IVNS1ABP: variants seen among roughly 807,000 people sequenced by gnomAD.
IVNS1ABP encodes the protein influenza virus NS1A-binding protein.
IVNS1ABP carries 25 observed loss-of-function variants against 78.9 expected under a neutral mutation model. The observed-to-expected ratio is 0.32, with a 90% CI of 0.23 to 0.44. IVNS1ABP has a LOEUF of 0.44. Among genes scored for constraint, IVNS1ABP ranks in the 20% least tolerant of loss-of-function variants. The pLI, the probability that IVNS1ABP is intolerant of heterozygous loss-of-function variation, is 1.00. For missense variants in IVNS1ABP, 494 were observed against 768.9 expected (o/e 0.64, Z 4.23); for synonymous variants, 241 against 259.7 (o/e 0.93, Z 0.69).
rs1426943093 is a variant in IVNS1ABP, at chr1:185,309,483, T to C, written c.11A>G (p.Asn4Ser). The change falls in exon 3 of 15, where the codon AAT becomes AGT. Residue 4 changes from asparagine to serine, a missense_variant. By Grantham distance (46) the Asn-to-Ser change is conservative. Transcript: ENST00000367498. MIP[N>S]GYLMFEDENF... ...TTCATCCTCAAACATCAAATATCCA[T>C]TGGGAATCATTTTTCCTTATAAATT... is the stretch of plus-strand genomic sequence containing the variant. 6.3e-7 allele frequency: 1 copy of C among 1,591,376 alleles called. No homozygotes were observed. The highest frequency in any genetic ancestry group is 8.6e-7 in the Non-Finnish European group (1 of 1,162,722).
intron 1 of IVNS1ABP, among the ~76,000 whole-genome samples, chr1:185,316,135 AAG>A (rs138545693): frequency 0.038 from 5,843 of 152,256 alleles, 276 homozygotes; most frequent in African/African-American, 0.093. Flanking sequence ...GGGACGGAAA[AAG>A]AGCAAATCTT....
chr1:185,308,958 C>T lies in IVNS1ABP; in HGVS notation c.281+45G>A, dbSNP rs1665814230. 2.5e-6 allele frequency: 4 copies of T among 1,579,324 alleles called. No individual in the cohort carries two copies. The East Asian group carries it at 9.0e-5, about 35-fold the overall frequency. The stretch of plus-strand genomic sequence containing the variant: ...TATATGTAGCAAGACTTGGAATTTT[C>T]TGAAGATATTCCCTAATTATATGGT... On this transcript the variant is annotated intron_variant, in intron 4 of 14. Transcript: ENST00000367498.
In IVNS1ABP at chr1:185,307,826, C is replaced by T; in HGVS notation, c.358-164G>A. The stretch of plus-strand genomic sequence containing the variant: ...TAATAACACGTATACAAATGATAAA[C>T]ATCTAATTATGCCATACAGATATGT... On this transcript the variant is annotated intron_variant, in intron 5 of 14. Transcript: ENST00000367498. 3.3e-6 allele frequency: 4 copies of T among 1,221,532 alleles called. No homozygotes were observed. The South Asian group carries it at 6.3e-5, about 19-fold the overall frequency. 75.7% of individuals were successfully genotyped at this position (1,221,532 alleles called of 1,614,324 possible).
chr1:185,307,712 C>T (rs756068972), intron 5 of IVNS1ABP, 50 bp from the exon 6 acceptor site: 12 of 1,543,588 alleles, frequency 7.8e-6, no homozygotes, highest in Non-Finnish European at 1.1e-5. Context: ...TTTTATTCAA[C>T]AAATATTTAA....
Position 185,302,110 on chromosome 1 carries a change from T to G in IVNS1ABP, c.766-547A>C, listed in dbSNP as rs183964368. Among the ~76,000 whole-genome samples the G allele has an allele frequency of 2.3e-3, 353 of 152,242 alleles. 4 individuals are homozygous for G. Among genetic ancestry groups the G allele is most frequent in the Middle Eastern group, 0.014 (4 of 294 alleles). ...AAGAAACACTTAAAGAATATTTCTT[T>G]AGGATTACCTTATAGGTATTATAGA... On this transcript the variant is annotated intron_variant, in intron 8 of 14. Coordinates refer to ENST00000367498, the MANE Select transcript of IVNS1ABP (RefSeq NM_006469.5).
At chr1:185,315,126 A>G (rs1289294337) in intron 1 of IVNS1ABP, among the ~76,000 whole-genome samples, 1 of 152,198 alleles carries the variant, frequency 6.6e-6, no homozygotes, top group Non-Finnish European at 1.5e-5. Context: ...AATAATTCCT[A>G]CTTGCAGGAT....
intron 5 of IVNS1ABP, 44 bp from the exon 6 acceptor site, chr1:185,307,706 A>C: frequency 1.3e-6 from 2 of 1,552,722 alleles, no homozygotes; most frequent in South Asian, 2.3e-5. Context: ...CATATCTTTT[A>C]TTCAACAAAT....
Position 185,300,445 on chromosome 1 carries a change from C to T in IVNS1ABP, c.1234G>A (p.Val412Ile). 9 of 1,613,650 alleles carry T rather than the reference C, an allele frequency of 5.6e-6. No individual in the cohort carries two copies. Among genetic ancestry groups the T allele is most frequent in the Non-Finnish European group, 7.6e-6 (9 of 1,179,724 alleles). ...CAACATAATGCGCTTACCATGAGTA[C>T]AGCCATTTGAAATCGGGCTCTTGGT... is the stretch of plus-strand genomic sequence containing the variant. ...RTPRARFQMA[V>I]LMGQLYVVGG... The change falls in exon 11 of 15, where the codon GTA (valine) becomes ATA (isoleucine). Residue 412 changes from valine to isoleucine, a missense_variant. Val to Ile is a conservative substitution (Grantham distance 29). Coordinates refer to ENST00000367498, the MANE Select transcript of IVNS1ABP (RefSeq NM_006469.5).
intron 1 of IVNS1ABP, among the ~76,000 whole-genome samples, chr1:185,314,585 T>C (rs1665966054): frequency 6.6e-6 from 1 of 152,084 alleles, no homozygotes; most frequent in South Asian, 2.1e-4. Context: ...ATGCTAAGCA[T>C]GGAAAGTAGG....
chr1:185,306,851 C>G, intron 7 of IVNS1ABP, 163 bp downstream of exon 7: 1 of 789,918 alleles, frequency 1.3e-6, no homozygotes, highest in Non-Finnish European at 1.9e-6. Context: ...ACAGTTCATT[C>G]AGCTCACCTG....
chr1:185,305,712 C>T lies in IVNS1ABP; in HGVS notation c.658-69G>A. Reference sequence around the variant, plus strand: ...GGCTACTCCACTAGTATGCAGATTACACAAACGCCTCAAGGTAACCTCCAG... The same window carrying T: ...GGCTACTCCACTAGTATGCAGATTATACAAACGCCTCAAGGTAACCTCCAG... On this transcript the variant is annotated intron_variant, in intron 7 of 14. Transcript: ENST00000367498. The surrounding 1 kb of genome is among the most constrained non-coding windows in gnomAD (Gnocchi z 4.0). The T allele has an allele frequency of 3.2e-6, 5 of 1,564,878 alleles. No homozygotes were observed. Among genetic ancestry groups the T allele is most frequent in the Non-Finnish European group, 4.4e-6 (5 of 1,147,382 alleles).
At chr1:185,310,746 C>T (rs980283806) in intron 2 of IVNS1ABP, among the ~76,000 whole-genome samples, 16 of 151,740 alleles carry the variant, frequency 1.1e-4, no homozygotes, top group Admixed American at 1.1e-3. Flanking sequence ...ATGGTGGTGG[C>T]GCACACCTGT....
intron 1 of IVNS1ABP, among the ~76,000 whole-genome samples, chr1:185,313,942 A>C (rs866076762): frequency 2.6e-5 from 4 of 152,210 alleles, no homozygotes; most frequent in South Asian, 4.1e-4. Flanking sequence ...CACAGCCCGG[A>C]AAGATTAGCT....
At position 185,301,465 on chromosome 1, in the gene IVNS1ABP, C is replaced by T. The variant is rs375292151; in HGVS notation, c.864G>A (p.Glu288=). 6.2e-7 allele frequency: 1 copy of T among 1,613,254 alleles called. No individual in the cohort carries two copies. The highest frequency in any genetic ancestry group is 8.5e-7 in the Non-Finnish European group (1 of 1,179,428). Reference sequence around the variant, plus strand: ...TCTTTTCTGAAGCAACGATTTTCCACTCATGCTTAGGGCTTTGTACTGTAG... The same window carrying T: ...TCTTTTCTGAAGCAACGATTTTCCATTCATGCTTAGGGCTTTGTACTGTAG... ...PNATVQSPKH[E]WKIVASEKTS... is the part of the protein sequence containing the mutation. The change falls in exon 9 of 15, where the codon GAG becomes GAA. Residue 288 remains glutamate (E), a synonymous_variant. Coordinates refer to ENST00000367498, the MANE Select transcript of IVNS1ABP (RefSeq NM_006469.5).
rs1228572395 is a variant in IVNS1ABP, at chr1:185,307,422, AAC to A, written c.531+65_531+66del. On this transcript the variant is annotated intron_variant, in intron 6 of 14. Coordinates refer to ENST00000367498, the MANE Select transcript of IVNS1ABP (RefSeq NM_006469.5). ...TCATAATCATTACTCACTTGCTTGA[AAC>A]ACAGACCAAGATTCCACGCCTGGAA... 9 of 1,259,662 alleles carry A rather than the reference AAC, an allele frequency of 7.1e-6. No homozygotes were observed. The Admixed American group carries it at 2.0e-4, about 28-fold the overall frequency. The allele number at this position is 1,259,662 out of a possible 1,614,324, so 78.0% of individuals were successfully genotyped here.
At chr1:185,300,589 GTTTA>G (rs1164390503) in intron 10 of IVNS1ABP, 31 bp from the exon 11 acceptor site, 2 of 1,605,054 alleles carry the variant, frequency 1.2e-6, no homozygotes, top group Non-Finnish European at 1.7e-6. Context: ...AAAGATTTAT[GTTTA>G]AAATATTAAA....
At chr1:185,309,640 A>G (rs1033183072) in intron 2 of IVNS1ABP, 129 bp from the exon 3 acceptor site, 11 of 596,204 alleles carry the variant, frequency 1.8e-5, no homozygotes, top group Non-Finnish European at 3.3e-5. Flanking sequence ...AAATTTCATC[A>G]CACAAAAACT....
intron 1 of IVNS1ABP, 75 bp downstream of exon 1, chr1:185,316,878 G>A (rs1666048081): frequency 5.0e-6 from 2 of 397,070 alleles, no homozygotes; most frequent in Non-Finnish European, 8.9e-6. Context: ...CCCATCCGCC[G>A]GCGCCATCCC....
rs1472388648 is a variant in IVNS1ABP, at chr1:185,307,679, A to G, written c.358-17T>C. On this transcript the variant is annotated splice_polypyrimidine_tract_variant and intron_variant, in intron 5 of 14. Transcript: ENST00000367498. The stretch of plus-strand genomic sequence containing the variant: ...ACCACAAACCTTGGAAAAGAAATAT[A>G]TGAGTGCCAACACTTACATATCTTT... 1 of 1,605,496 alleles carries G rather than the reference A, an allele frequency of 6.2e-7. No homozygotes were observed. Among genetic ancestry groups the G allele is most frequent in the Non-Finnish European group, 8.5e-7 (1 of 1,173,364 alleles).
Sources: allele counts gnomAD v4.1 joint callset (sites outside exome capture counted in the v4.1 genomes callset), GRCh38; gene constraint gnomAD v4.1.1; non-coding constraint Gnocchi (gnomAD v3.1); transcripts MANE v1.5; gene names NCBI Gene and HGNC (gene_info 2026-07-23, HGNC 2026-07-21).